Variants in NEGR1 observed in about 807,000 individuals in gnomAD.
NEGR1 encodes the protein neuronal growth regulator 1.
A neutral mutation model predicts 40.9 loss-of-function variants in NEGR1; 10 were observed. The ratio of observed to expected loss-of-function variants is 0.24; its 90% CI spans 0.15 to 0.42. The LOEUF (loss-of-function observed/expected upper bound fraction) is 0.42. Among genes scored for constraint, NEGR1 ranks in the 10% least tolerant of loss-of-function variants. The probability of loss-of-function intolerance (pLI) is 1.00; values close to 1 mark genes in which losing one functional copy is unlikely to be tolerated. For missense variants in NEGR1, 352 were observed against 438.9 expected (o/e 0.80, Z 1.77); for synonymous variants, 185 against 166.8 (o/e 1.11, Z -0.84).
At chr1:71,495,567 T>C (rs533671348) in intron 6 of NEGR1, among the ~76,000 whole-genome samples, 13 of 152,066 alleles carry the variant, frequency 8.5e-5, no homozygotes, top group African/African-American at 2.4e-4. Flanking sequence ...CCCTACATCA[T>C]TGAAGGGTCA....
intron 1 of NEGR1, among the ~76,000 whole-genome samples, chr1:72,139,734 G>A (rs972721248): frequency 1.3e-5 from 2 of 152,068 alleles, no homozygotes; most frequent in Non-Finnish European, 2.9e-5. Flanking sequence ...AGGGAGGGAT[G>A]AAAGAGTGAA....
At chr1:71,648,561 A>T (rs1651608797) in intron 4 of NEGR1, among the ~76,000 whole-genome samples, 1 of 151,974 alleles carries the variant, frequency 6.6e-6, no homozygotes, top group South Asian at 2.1e-4. Context: ...GGAGGCCTGG[A>T]TTCTATTTCT....
intron 1 of NEGR1, among the ~76,000 whole-genome samples, chr1:72,097,918 AC>A (rs1228050716): frequency 6.6e-6 from 1 of 152,184 alleles, no homozygotes; most frequent in African/African-American, 2.4e-5. Context: ...TTTGGTTGAT[AC>A]CCCCATATCT....
chr1:71,679,991 T>G (rs1426617468), intron 4 of NEGR1, among the ~76,000 whole-genome samples: 1 of 152,086 alleles, frequency 6.6e-6, no homozygotes, highest in Non-Finnish European at 1.5e-5. Context: ...ATCAACATGA[T>G]ATTTTTATAC....
chr1:72,155,961 GA>G (rs2100364242), intron 1 of NEGR1, among the ~76,000 whole-genome samples: 1 of 152,204 alleles, frequency 6.6e-6, no homozygotes, highest in South Asian at 2.1e-4. Context: ...ACTTATCCAA[GA>G]AACAGGGTGG....
At chr1:72,273,697 T>C (rs1160637011) in intron 1 of NEGR1, among the ~76,000 whole-genome samples, 2 of 151,920 alleles carry the variant, frequency 1.3e-5, no homozygotes, top group African/African-American at 2.4e-5. Context: ...ATAATACCTT[T>C]AGCAAAAAGT....
intron 4 of NEGR1, among the ~76,000 whole-genome samples, chr1:71,687,443 G>A (rs1653076754): frequency 6.6e-6 from 1 of 152,154 alleles, no homozygotes; most frequent in Non-Finnish European, 1.5e-5. Flanking sequence ...TTTTTGCACT[G>A]CTGTTAGCTT....
chr1:72,273,575 C>T (rs1655929115), intron 1 of NEGR1, among the ~76,000 whole-genome samples: 1 of 151,840 alleles, frequency 6.6e-6, no homozygotes, highest in South Asian at 2.1e-4. Context: ...CCCTTGAAAT[C>T]TTAACATAGC....
chr1:71,462,496 C>T (rs2101345233), intron 6 of NEGR1, among the ~76,000 whole-genome samples: 1 of 152,158 alleles, frequency 6.6e-6, no homozygotes, highest in Admixed American at 6.5e-5. Flanking sequence ...AGGATGACCC[C>T]CTACCAGCCT....
chr1:71,806,344 A>C (rs1570372100), intron 2 of NEGR1, among the ~76,000 whole-genome samples: 1 of 152,072 alleles, frequency 6.6e-6, no homozygotes. Context: ...TGGAATCCCT[A>C]TGATTTAGGG....
intron 2 of NEGR1, among the ~76,000 whole-genome samples, chr1:71,924,060 T>TA (rs926425595): frequency 1.4e-4 from 21 of 151,344 alleles, no homozygotes; most frequent in South Asian, 4.2e-4. Context: ...AGCAGCTATT[T>TA]AAAAAAAAAT....
intron 1 of NEGR1, among the ~76,000 whole-genome samples, chr1:71,977,544 C>T (rs1646316414): frequency 1.3e-5 from 2 of 151,852 alleles, no homozygotes; most frequent in South Asian, 4.2e-4. Flanking sequence ...TTAAAGATTT[C>T]GTAAAAACCG....
intron 4 of NEGR1, among the ~76,000 whole-genome samples, chr1:71,647,308 C>T (rs1485218915): frequency 6.6e-6 from 1 of 151,740 alleles, no homozygotes; most frequent in Non-Finnish European, 1.5e-5. Context: ...TTTTCCAGCC[C>T]AGGGGTCCTT....
chr1:72,060,708 A>C (rs984437707), intron 1 of NEGR1, among the ~76,000 whole-genome samples: 36 of 151,740 alleles, frequency 2.4e-4, no homozygotes, highest in Admixed American at 1.2e-3. Flanking sequence ...AGACACCAAC[A>C]ATAAACATTA....
chr1:71,643,912 G>A (rs1651439826), intron 4 of NEGR1, among the ~76,000 whole-genome samples: 1 of 151,920 alleles, frequency 6.6e-6, no homozygotes, highest in South Asian at 2.1e-4. Flanking sequence ...ACAATTGATG[G>A]CAGTTTTTAT....
chr1:72,124,320 CCTA>C (rs1198726481), intron 1 of NEGR1, among the ~76,000 whole-genome samples: 2 of 151,866 alleles, frequency 1.3e-5, no homozygotes, highest in African/African-American at 4.8e-5. Flanking sequence ...GTAGACTTCT[CCTA>C]CTATTATGGC....
At chr1:71,746,932 G>A (rs72678928) in intron 3 of NEGR1, among the ~76,000 whole-genome samples, 1 of 152,300 alleles carries the variant, frequency 6.6e-6, no homozygotes. Context: ...AATATTGGCT[G>A]TCTCAATTAT....
chr1:71,714,424 T>A (rs1654207764), intron 3 of NEGR1, among the ~76,000 whole-genome samples: 1 of 152,178 alleles, frequency 6.6e-6, no homozygotes, highest in South Asian at 2.1e-4. Flanking sequence ...TCCAACAGTC[T>A]GCAAAAGTCT....
intron 3 of NEGR1, among the ~76,000 whole-genome samples, chr1:71,723,195 A>G (rs189864233): frequency 3.3e-4 from 50 of 152,174 alleles, no homozygotes; most frequent in Non-Finnish European, 6.0e-4. Context: ...CTTAGAATTC[A>G]TTGAACATCT....
Sources: allele counts gnomAD v4.1 joint callset (sites outside exome capture counted in the v4.1 genomes callset), GRCh38; gene constraint gnomAD v4.1.1; transcripts MANE v1.5; gene names NCBI Gene and HGNC (gene_info 2026-07-23, HGNC 2026-07-21).